EYA1: variants seen among roughly 807,000 people sequenced by gnomAD.
EYA1 encodes the protein EYA transcriptional coactivator and phosphatase 1, also known as protein phosphatase EYA1.
In EYA1, 16 loss-of-function variants were observed where a neutral mutation model predicts 82.0. The ratio of observed to expected loss-of-function variants is 0.20; its 90% confidence interval spans 0.13 to 0.30. EYA1 has a LOEUF of 0.30. EYA1 is among the 10% of genes least tolerant of loss of function. EYA1 has a pLI of 1.00. For synonymous variants in EYA1, 261 were observed against 264.4 expected (o/e 0.99, Z 0.12); for missense variants, 633 against 730.7 (o/e 0.87, Z 1.54).
chr8:71,437,453 T>TGTCAG (rs1806099321), intron 2 of EYA1, among the ~76,000 whole-genome samples: 1 of 152,148 alleles, frequency 6.6e-6, no homozygotes, highest in East Asian at 1.9e-4. Flanking sequence ...CTCTAAAATG[T>TGTCAG]GTCAGGTCAC....
intron 12 of EYA1, among the ~76,000 whole-genome samples, chr8:71,242,441 A>G (rs1030983788): frequency 6.6e-6 from 1 of 152,116 alleles, no homozygotes; most frequent in African/African-American, 2.4e-5. Context: ...TCTCTTTTCT[A>G]CTTTACCTCT....
chr8:71,469,029 A>G (rs1356605432), intron 2 of EYA1, among the ~76,000 whole-genome samples: 4 of 152,060 alleles, frequency 2.6e-5, no homozygotes, highest in East Asian at 1.9e-4. Context: ...AACTAATTCA[A>G]TTGTGACAAT....
rs555658571 is a variant in EYA1 at position 71,242,825 on chromosome 8, G to A, written c.1140+1778C>T. On this transcript the variant is annotated intron_variant, in intron 12 of 17. Transcript: ENST00000340726. ...GAGTTTTGCTCTTGTTGCCCAGGCTGGAGTGCAATGGCGTGATCTCTGGCT... is the reference window on the plus strand; with the variant it reads ...GAGTTTTGCTCTTGTTGCCCAGGCTAGAGTGCAATGGCGTGATCTCTGGCT... Among the ~76,000 whole-genome samples, 7 of 145,914 alleles carry A rather than the reference G, an allele frequency of 4.8e-5. No individual in the cohort carries two copies. In the East Asian group the frequency reaches 1.4e-3, roughly 29 times the overall value.
chr8:71,408,993 T>A lies in EYA1; in HGVS notation c.34-52482A>T, dbSNP rs1318892960. On this transcript the variant is annotated intron_variant, in intron 2 of 18. Coordinates refer to the EYA1 transcript ENST00000643681. ...TGGAAGTAAAGCTCTCCTCAGCAAATGTAAAAGAACAGAAATTATAACAAA... is the reference window on the plus strand; with the variant it reads ...TGGAAGTAAAGCTCTCCTCAGCAAAAGTAAAAGAACAGAAATTATAACAAA... Among the ~76,000 whole-genome samples, 16 of 121,494 alleles carry A rather than the reference T, an allele frequency of 1.3e-4. No individual in the cohort carries two copies. The East Asian group carries it at 3.6e-3, about 27-fold the overall frequency. 79.7% of individuals were successfully genotyped at this position (121,494 alleles called of 152,430 possible). A position where few individuals can be genotyped will look rare whatever the true frequency, so the allele number is the denominator to read the frequency against.
intron 3 of EYA1, among the ~76,000 whole-genome samples, chr8:71,341,478 G>T (rs967502356): frequency 1.3e-5 from 2 of 152,136 alleles, no homozygotes; most frequent in African/African-American, 2.4e-5. Context: ...GTTGCATAAA[G>T]TACGAAAGTG....
At chr8:71,249,118 G>T (rs1293126922) in intron 11 of EYA1, among the ~76,000 whole-genome samples, 1 of 152,062 alleles carries the variant, frequency 6.6e-6, no homozygotes, top group Non-Finnish European at 1.5e-5. Flanking sequence ...ATTGCCAAAT[G>T]TTCTCATTCT....
At chr8:71,225,035 G>A (rs554974013) in intron 12 of EYA1, 5 of 267,792 alleles carry the variant, frequency 1.9e-5, no homozygotes, top group Admixed American at 1.8e-4. Flanking sequence ...TGTAGGCTCC[G>A]TGATAAAGAC....
intron 2 of EYA1, among the ~76,000 whole-genome samples, chr8:71,438,324 A>G (rs552367036): frequency 1.3e-5 from 2 of 151,970 alleles, no homozygotes; most frequent in South Asian, 4.1e-4. Context: ...CTTGATCACA[A>G]TCAAATGGTC....
At chr8:71,211,479 A>C (rs1180053892) in intron 16 of EYA1, among the ~76,000 whole-genome samples, 1 of 152,228 alleles carries the variant, frequency 6.6e-6, no homozygotes, top group African/African-American at 2.4e-5. Flanking sequence ...TTGGAAATTG[A>C]TAGTTAAATA....
intron 2 of EYA1, among the ~76,000 whole-genome samples, chr8:71,517,377 A>C (rs906317154): frequency 1.3e-5 from 2 of 151,988 alleles, no homozygotes; most frequent in Admixed American, 6.6e-5. Context: ...AAAATCTTTT[A>C]AAATATTTTG....
intron 2 of EYA1, among the ~76,000 whole-genome samples, chr8:71,383,763 G>C (rs2129102779): frequency 6.6e-6 from 1 of 152,172 alleles, no homozygotes; most frequent in East Asian, 1.9e-4. Flanking sequence ...AGAGTAAGGA[G>C]AGTGAAAATG....
intron 2 of EYA1, among the ~76,000 whole-genome samples, chr8:71,420,470 T>C (rs1192319220): frequency 6.6e-6 from 1 of 152,232 alleles, no homozygotes; most frequent in African/African-American, 2.4e-5. Flanking sequence ...CAGGAAGCTT[T>C]TTTTAAAAAA....
intron 1 of EYA1, among the ~76,000 whole-genome samples, chr8:71,536,113 G>C (rs530133536): frequency 2.3e-4 from 35 of 152,300 alleles, no homozygotes; most frequent in African/African-American, 7.7e-4. Flanking sequence ...GGGAGGCAGG[G>C]GGAGCAGCTA....
chr8:71,422,612 A>G (rs1250956672), intron 2 of EYA1, among the ~76,000 whole-genome samples: 6 of 152,194 alleles, frequency 3.9e-5, no homozygotes, highest in East Asian at 1.9e-4. Context: ...TATAAAGGAA[A>G]GAGGTTTAAC....
At position 71,299,195 on chromosome 8, in the gene EYA1, G is replaced by A. The variant is rs529483320; in HGVS notation, c.678C>T (p.Tyr226=). Residue 226 remains tyrosine (Y), a synonymous_variant, in exon 9 of 18, where the codon TAC becomes TAT. Coordinates refer to ENST00000340726, the MANE Select transcript of EYA1 (RefSeq NM_000503.6). ...PSYPSFGQGQ[Y]AQYYNSSPYP... is the part of the protein sequence containing the mutation. ...ACGGTGAGCTGTTATAATACTGTGCGTACTGACCCTGGCCAAAACTGGGAT... is the reference window on the plus strand; with the variant it reads ...ACGGTGAGCTGTTATAATACTGTGCATACTGACCCTGGCCAAAACTGGGAT... 35 of 1,614,094 alleles carry A rather than the reference G, an allele frequency of 2.2e-5. No individual in the cohort carries two copies. Among genetic ancestry groups the A allele is most frequent in the Admixed American group, 1.5e-4 (9 of 60,022 alleles).
intron 2 of EYA1, among the ~76,000 whole-genome samples, chr8:71,373,276 T>A (rs1563546365): frequency 1.3e-5 from 2 of 152,108 alleles, no homozygotes; most frequent in African/African-American, 4.8e-5. Flanking sequence ...AACTAATCAA[T>A]TAATTCAGTA....
chr8:71,485,954 A>G (rs1810538578), intron 2 of EYA1, among the ~76,000 whole-genome samples: 1 of 152,200 alleles, frequency 6.6e-6, no homozygotes, highest in African/African-American at 2.4e-5. Context: ...GCCAAATGCA[A>G]AGGGACCTGT....
intron 9 of EYA1, among the ~76,000 whole-genome samples, chr8:71,292,062 CAT>C (rs1352814769): frequency 6.6e-6 from 1 of 151,980 alleles, no homozygotes; most frequent in Non-Finnish European, 1.5e-5. Context: ...TGAAAAATAT[CAT>C]ATGATAAAAA....
In EYA1 at chr8:71,426,388, A is replaced by T. The variant is rs1163935404; in HGVS notation, c.34-69877T>A. On this transcript the variant is annotated intron_variant, in intron 2 of 18. Coordinates refer to the EYA1 transcript ENST00000643681. ...ATACAAGACATATTTGATGTACAAG[A>T]TCTACCAATTGCCAAAGATTCTTGC... 2.0e-5 allele frequency among the ~76,000 whole-genome samples: 3 copies of T among 152,240 alleles called. No homozygotes were observed. The East Asian group carries it at 5.8e-4, about 29-fold the overall frequency.
Sources: gnomAD v4.1 joint callset for allele counts (sites outside exome capture counted in the v4.1 genomes callset) on GRCh38, gnomAD v4.1.1 for gene constraint, MANE v1.5 for transcripts, NCBI Gene and HGNC (gene_info 2026-07-23, HGNC 2026-07-21) for gene names.